The following TP53AIP1 variants were observed in gnomAD, a reference collection of about 807,000 sequenced individuals.
TP53AIP1 encodes p53-regulated apoptosis-inducing protein 1.
TP53AIP1 carries 14 observed loss-of-function variants against 9.5 expected under a neutral mutation model. The ratio of observed to expected loss-of-function variants is 1.47; its 90% CI spans 0.97 to 2.30. TP53AIP1 has a LOEUF of 2.30. Ranked by LOEUF, TP53AIP1 falls within the 30% of genes most tolerant of loss-of-function variation. The pLI, the probability that TP53AIP1 is intolerant of heterozygous loss-of-function variation, is 0.00. For synonymous variants in TP53AIP1, 73 were observed against 61.2 expected (o/e 1.19, Z -0.90); for missense variants, 153 against 146.7 (o/e 1.04, Z -0.22).
intron 2 of TP53AIP1, 185 bp from the exon 3 acceptor site, chr11:128,936,834 C>T: frequency 1.4e-6 from 2 of 1,421,514 alleles, no homozygotes. Flanking sequence ...CAAAAGGCTC[C>T]TCAAGGTCAG....
chr11:128,941,392 G>A (rs1308841644), intron 1 of TP53AIP1, among the ~76,000 whole-genome samples: 1 of 152,108 alleles, frequency 6.6e-6, no homozygotes, highest in African/African-American at 2.4e-5. Context: ...CTCCCTCTGG[G>A]CCCCCACACA....
At position 128,937,865 on chromosome 11, in the gene TP53AIP1, C is replaced by A; in HGVS notation, c.-47G>T. 1 of 1,559,212 alleles carries A rather than the reference C, an allele frequency of 6.4e-7. No individual in the cohort carries two copies. Among genetic ancestry groups the A allele is most frequent in the Middle Eastern group, 1.7e-4 (1 of 5,716 alleles). On this transcript the variant is annotated 5_prime_UTR_variant, in exon 2 of 4. The change abolishes an upstream ATG in the 5' untranslated region. Transcript: ENST00000531399. The surrounding 1 kb of genome is among the most constrained non-coding windows in gnomAD (Gnocchi z 4.8). Reference sequence around the variant, plus strand: ...GAAAGCAGAGAACTTGGCTTCTCCTCATTTGTTGTTAGGGCCAGTCCCTAA... The same window carrying A: ...GAAAGCAGAGAACTTGGCTTCTCCTAATTTGTTGTTAGGGCCAGTCCCTAA...
intron 3 of TP53AIP1, chr11:128,936,078 C>A: frequency 1.3e-6 from 1 of 787,962 alleles, no homozygotes; most frequent in South Asian, 4.6e-5. Context: ...TTTACAGACA[C>A]CTACACTGAG....
intron 3 of TP53AIP1, chr11:128,935,913 G>C (rs142517030): frequency 1.4e-5 from 18 of 1,302,494 alleles, no homozygotes; most frequent in Middle Eastern, 2.9e-4. Flanking sequence ...ATATCAAATG[G>C]GCCAACAAAA....
chr11:128,942,212 G>A lies in TP53AIP1; in HGVS notation c.-77+582C>T, dbSNP rs116404509. Among the ~76,000 whole-genome samples, 1,241 of 152,272 alleles carry A rather than the reference G, an allele frequency of 8.1e-3. 16 individuals carry two copies. Among genetic ancestry groups the A allele is most frequent in the African/African-American group, 0.022 (923 of 41,542 alleles). On this transcript the variant is annotated intron_variant, in intron 1 of 3. Coordinates refer to ENST00000531399, the MANE Select transcript of TP53AIP1 (RefSeq NM_022112.3). ...TGGTGAACCCTGCCATGACATGCCC[G>A]CTGTGCCCAGGACCCAGGCTCCCAC...
chr11:128,936,260 G>A, intron 3 of TP53AIP1: 1 of 1,186,072 alleles, frequency 8.4e-7, no homozygotes, highest in South Asian at 2.5e-5. Flanking sequence ...AGCATCCTAT[G>A]GCCCATTCCA....
Position 128,937,609 on chromosome 11 carries a change from G to A in TP53AIP1, c.141+69C>T, listed in dbSNP as rs1231398363. ...GAAAACTTGGGATGTCGGCACCACG[G>A]TGAGAGCAGAGTCTGCCCGGGGCTG... is the stretch of plus-strand genomic sequence containing the variant. On this transcript the variant is annotated intron_variant, in intron 2 of 3. Coordinates refer to ENST00000531399, the MANE Select transcript of TP53AIP1 (RefSeq NM_022112.3). This position sits in a 1 kb window ranked among gnomAD's most constrained non-coding sequence, Gnocchi z 4.8. 1.3e-5 allele frequency: 21 copies of A among 1,614,146 alleles called. No individual in the cohort carries two copies. Among genetic ancestry groups the A allele is most frequent in the Non-Finnish European group, 1.8e-5 (21 of 1,180,026 alleles).
At position 128,936,739 on chromosome 11, in the gene TP53AIP1, C is replaced by T. The variant is rs1944832235; in HGVS notation, c.142-90G>A. 2.7e-6 allele frequency: 4 copies of T among 1,475,036 alleles called. No homozygotes were observed. In the Admixed American group the frequency reaches 9.9e-5, roughly 36 times the overall value. The allele number at this position is 1,475,036 out of a possible 1,614,324, so 91.4% of individuals were successfully genotyped here. On this transcript the variant is annotated intron_variant, in intron 2 of 3. Transcript: ENST00000531399. ...TCTGGCAGGTTTTCCCCTAGGTATT[C>T]ATGGCATCCAGGGGCATTTCACCTC...
chr11:128,935,997 T>C (rs1944816458), intron 3 of TP53AIP1: 1 of 905,554 alleles, frequency 1.1e-6, no homozygotes, highest in African/African-American at 1.8e-5. Flanking sequence ...ACAGGTGCTG[T>C]TCTTAGCATT....
At chr11:128,935,868 C>T (rs910748151) in intron 3 of TP53AIP1, 156 bp from the exon 4 acceptor site, 25 of 1,324,382 alleles carry the variant, frequency 1.9e-5, no homozygotes, top group Non-Finnish European at 2.4e-5. Context: ...TATTCTATCT[C>T]CCAAGACAGG....
Position 128,935,512 on chromosome 11 carries a change from CTGTTTGTT to C in TP53AIP1, c.*71_*78del. The stretch of plus-strand genomic sequence containing the variant: ...TGGAGCCATTTCTCGACGGTGCTTT[CTGTTTGTT>C]TGTTTGTTTTTGTTTTGAGATGGAG... On this transcript the variant is annotated 3_prime_UTR_variant, in exon 4 of 4. Coordinates refer to ENST00000531399, the MANE Select transcript of TP53AIP1 (RefSeq NM_022112.3). The C allele has an allele frequency of 6.7e-7, 1 of 1,497,288 alleles. No individual in the cohort carries two copies. The highest frequency in any genetic ancestry group is 8.9e-7 in the Non-Finnish European group (1 of 1,129,112). The allele number at this position is 1,497,288 out of a possible 1,614,324, so 92.8% of individuals were successfully genotyped here. A position where few individuals can be genotyped will look rare whatever the true frequency, so the allele number is the denominator to read the frequency against.
intron 3 of TP53AIP1, 106 bp downstream of exon 3, chr11:128,936,432 A>C (rs1242361169): frequency 1.4e-6 from 2 of 1,422,418 alleles, no homozygotes; most frequent in Non-Finnish European, 1.8e-6. Context: ...GAGAGGGTCA[A>C]ACTCAAAAAA....
At chr11:128,941,926 G>A (rs990157609) in intron 1 of TP53AIP1, among the ~76,000 whole-genome samples, 5 of 152,188 alleles carry the variant, frequency 3.3e-5, no homozygotes, top group African/African-American at 1.2e-4. Context: ...TGAATATGAA[G>A]GGACCCTCTA....
intron 1 of TP53AIP1, among the ~76,000 whole-genome samples, chr11:128,941,475 A>G (rs1370303538): frequency 6.6e-6 from 1 of 152,112 alleles, no homozygotes; most frequent in Non-Finnish European, 1.5e-5. Flanking sequence ...GTGCAGTTAT[A>G]ATGGGTTGCC....
chr11:128,937,859 TCTC>T lies in TP53AIP1; in HGVS notation c.-44_-42del, dbSNP rs1487835030. On this transcript the variant is annotated 5_prime_UTR_variant, in exon 2 of 4. Transcript: ENST00000531399. This position sits in a 1 kb window ranked among gnomAD's most constrained non-coding sequence, Gnocchi z 4.8. ...TCTGCAGAAAGCAGAGAACTTGGCT[TCTC>T]CTCATTTGTTGTTAGGGCCAGTCCC... is the stretch of plus-strand genomic sequence containing the variant. 6.4e-7 allele frequency: 1 copy of T among 1,565,732 alleles called. No homozygotes were observed. The highest frequency in any genetic ancestry group is 1.4e-5 in the African/African-American group (1 of 72,930).
chr11:128,941,051 G>C (rs527764786), intron 1 of TP53AIP1, among the ~76,000 whole-genome samples: 1 of 152,362 alleles, frequency 6.6e-6, no homozygotes, highest in South Asian at 2.1e-4. Flanking sequence ...AGAAGGGCAG[G>C]GGTGCAGGGG....
rs897335142 is a variant in TP53AIP1, at chr11:128,939,293, A to G, written c.-76-1399T>C. On this transcript the variant is annotated intron_variant, in intron 1 of 3. Coordinates refer to ENST00000531399, the MANE Select transcript of TP53AIP1 (RefSeq NM_022112.3). The surrounding 1 kb of genome is among the most constrained non-coding windows in gnomAD (Gnocchi z 4.1). ...CCTGGACTCCCAAATCCCAGCAGCA[A>G]TGCAAAGCCACCCCCAGAAGAGCTG... 1.3e-5 allele frequency among the ~76,000 whole-genome samples: 2 copies of G among 152,096 alleles called. No homozygotes were observed. Among genetic ancestry groups the G allele is most frequent in the African/African-American group, 4.8e-5 (2 of 41,416 alleles).
At chr11:128,936,782 G>A in intron 2 of TP53AIP1, 133 bp from the exon 3 acceptor site, 1 of 1,435,082 alleles carries the variant, frequency 7.0e-7, no homozygotes, top group South Asian at 1.5e-5. Context: ...TGATGACGCT[G>A]CCACTCAGGT....
rs748650283 is a variant in TP53AIP1, at chr11:128,935,948, T to C, written c.254-236A>G. 2.1e-4 allele frequency: 255 copies of C among 1,223,758 alleles called. 1 individual carries two copies. In the Middle Eastern group the frequency reaches 2.2e-3, roughly 11 times the overall value. 75.8% of individuals were successfully genotyped at this position (1,223,758 alleles called of 1,614,324 possible). On this transcript the variant is annotated intron_variant, in intron 3 of 3. Transcript: ENST00000531399. ...AATGTATCTTGGAATAAACAAAATA[T>C]GCTAATGATAACAGTAAGATATGTA...
Sources: gnomAD v4.1 joint callset for allele counts (sites outside exome capture counted in the v4.1 genomes callset) on GRCh38, gnomAD v4.1.1 for gene constraint, Gnocchi (gnomAD v3.1) non-coding constraint, MANE v1.5 for transcripts, NCBI Gene and HGNC (gene_info 2026-07-23, HGNC 2026-07-21) for gene names.